The following OPCML variants were observed in gnomAD, a reference collection of about 807,000 sequenced individuals.
OPCML encodes opioid-binding protein/cell adhesion molecule.
OPCML carries 13 observed loss-of-function variants against 37.8 expected under a neutral mutation model. The ratio of observed to expected loss-of-function variants is 0.34; its 90% CI spans 0.22 to 0.55. The LOEUF is 0.55. Among genes scored for constraint, OPCML ranks in the 20% least tolerant of loss-of-function variants. The pLI is 0.91. For missense variants in OPCML, 341 were observed against 435.6 expected (o/e 0.78, Z 1.93); for synonymous variants, 176 against 168.8 (o/e 1.04, Z -0.33).
intron 1 of OPCML, chr11:133,025,441 A>G: frequency 2.0e-6 from 2 of 985,400 alleles, no homozygotes; most frequent in African/African-American, 1.7e-5. Flanking sequence ...GGGTAACTGT[A>G]TTGAAGAAAT....
intron 2 of OPCML, among the ~76,000 whole-genome samples, chr11:132,726,075 C>T (rs1944869988): frequency 6.6e-6 from 1 of 152,178 alleles, no homozygotes; most frequent in African/African-American, 2.4e-5. Flanking sequence ...CTGAGCCCTC[C>T]AAACTGTTCC....
intron 1 of OPCML, among the ~76,000 whole-genome samples, chr11:133,474,409 C>G (rs1011940034): frequency 7.2e-5 from 11 of 152,194 alleles, no homozygotes; most frequent in African/African-American, 2.7e-4. Context: ...TTTATGAATT[C>G]AAAAGCTGTT....
intron 2 of OPCML, among the ~76,000 whole-genome samples, chr11:132,676,165 A>G (rs1942692132): frequency 6.6e-6 from 1 of 152,190 alleles, no homozygotes; most frequent in Non-Finnish European, 1.5e-5. Context: ...ATTTTTGACA[A>G]TAGTGCCAAG....
At chr11:132,694,279 A>C (rs895668572) in intron 2 of OPCML, among the ~76,000 whole-genome samples, 1 of 134,380 alleles carries the variant, frequency 7.4e-6, no homozygotes, top group Non-Finnish European at 1.5e-5. Flanking sequence ...GCTCACTGCA[A>C]TCTCCGCCTC....
At chr11:133,152,570 TC>T (rs11458795) in intron 1 of OPCML, among the ~76,000 whole-genome samples, 2 of 150,404 alleles carry the variant, frequency 1.3e-5, no homozygotes, top group Non-Finnish European at 3.0e-5. Context: ...TCCCTCCTGA[TC>T]CCCCCCCAAC....
chr11:132,965,422 C>T (rs1205706583), intron 1 of OPCML, among the ~76,000 whole-genome samples: 2 of 152,086 alleles, frequency 1.3e-5, no homozygotes, highest in Non-Finnish European at 2.9e-5. Context: ...TTTCTATTTC[C>T]TCTAGAGTCA....
At chr11:132,483,825 C>A (rs1443529595) in intron 4 of OPCML, among the ~76,000 whole-genome samples, 8 of 151,588 alleles carry the variant, frequency 5.3e-5, no homozygotes, top group Non-Finnish European at 8.8e-5. Flanking sequence ...GAAAGGATTC[C>A]CTATTTAATA....
intron 1 of OPCML, among the ~76,000 whole-genome samples, chr11:133,508,153 T>C (rs1200185053): frequency 6.6e-6 from 1 of 152,128 alleles, no homozygotes; most frequent in Non-Finnish European, 1.5e-5. Context: ...GTTGTCCTGA[T>C]ATGCAGCCCA....
chr11:132,484,391 T>C (rs1352448389), intron 4 of OPCML, among the ~76,000 whole-genome samples: 2 of 152,126 alleles, frequency 1.3e-5, no homozygotes, highest in Non-Finnish European at 2.9e-5. Context: ...CCAGTTAGAA[T>C]GGCAATCATT....
chr11:132,452,798 A>G (rs1426366170), intron 4 of OPCML, among the ~76,000 whole-genome samples: 1 of 152,168 alleles, frequency 6.6e-6, no homozygotes. Context: ...AGTCTCCCAA[A>G]ATATGACTCA....
chr11:133,516,752 C>T (rs1188484969), intron 1 of OPCML, among the ~76,000 whole-genome samples: 4 of 152,160 alleles, frequency 2.6e-5, no homozygotes, highest in Admixed American at 6.5e-5. Context: ...TTACGAGCCA[C>T]GGGGATGGAT....
chr11:132,689,891 G>A (rs1045886431), intron 2 of OPCML, among the ~76,000 whole-genome samples: 8 of 152,236 alleles, frequency 5.3e-5, no homozygotes, highest in African/African-American at 1.9e-4. Context: ...ATTAAAATTT[G>A]CCTTGGACCA....
At chr11:133,126,769 C>G (rs539124441) in intron 1 of OPCML, among the ~76,000 whole-genome samples, 1 of 152,202 alleles carries the variant, frequency 6.6e-6, no homozygotes, top group Non-Finnish European at 1.5e-5. Flanking sequence ...CCCAGCTACA[C>G]AAAGATACTG....
At chr11:132,628,503 T>TTC (rs2135681683) in intron 3 of OPCML, among the ~76,000 whole-genome samples, 1 of 152,208 alleles carries the variant, frequency 6.6e-6, no homozygotes, top group South Asian at 2.1e-4. Flanking sequence ...TTTTCAGAAA[T>TTC]AGGAAAGGAC....
At chr11:133,289,264 C>T (rs114047278) in intron 1 of OPCML, among the ~76,000 whole-genome samples, 1,945 of 152,232 alleles carry the variant, frequency 0.013, 35 homozygotes, top group African/African-American at 0.045. Flanking sequence ...CTGACTTCTC[C>T]TTCATGTTTT....
At chr11:132,738,144 G>A (rs956755953) in intron 2 of OPCML, among the ~76,000 whole-genome samples, 1 of 152,166 alleles carries the variant, frequency 6.6e-6, no homozygotes, top group African/African-American at 2.4e-5. Context: ...TGCTATTCTC[G>A]CTTTAGAGAA....
chr11:132,622,044 A>G (rs1793254), intron 3 of OPCML, among the ~76,000 whole-genome samples: 22,793 of 152,134 alleles, frequency 0.15, 2,225 homozygotes, highest in East Asian at 0.45. Flanking sequence ...ATTGATTATA[A>G]AAGAGAGAAC....
At chr11:132,492,151 G>C (rs1407974306) in intron 4 of OPCML, among the ~76,000 whole-genome samples, 1 of 152,012 alleles carries the variant, frequency 6.6e-6, no homozygotes, top group Non-Finnish European at 1.5e-5. Context: ...CACCAGAAAG[G>C]TGACAATGGC....
chr11:133,049,360 T>C (rs1219125810), intron 1 of OPCML, among the ~76,000 whole-genome samples: 1 of 152,158 alleles, frequency 6.6e-6, no homozygotes, highest in Non-Finnish European at 1.5e-5. Context: ...CTGTCTCTTA[T>C]CGCGGGCAGC....
Sources: allele counts gnomAD v4.1 joint callset (sites outside exome capture counted in the v4.1 genomes callset), GRCh38; gene constraint gnomAD v4.1.1; transcripts MANE v1.5; gene names NCBI Gene and HGNC (gene_info 2026-07-23, HGNC 2026-07-21).